TRAIP: variants seen among roughly 807,000 people sequenced by gnomAD.
The protein encoded by TRAIP is E3 ubiquitin-protein ligase TRAIP.
TRAIP carries 37 observed loss-of-function variants against 65.0 expected under a neutral mutation model. The ratio of observed to expected loss-of-function variants is 0.57; its 90% confidence interval spans 0.44 to 0.75. TRAIP has a LOEUF of 0.75. Ranked by LOEUF, TRAIP falls within the 30% of genes least tolerant of loss-of-function variation. The pLI, the probability that TRAIP is intolerant of heterozygous loss-of-function variation, is 0.00. For synonymous variants in TRAIP, 187 were observed against 219.1 expected (o/e 0.85, Z 1.29); for missense variants, 481 against 579.4 (o/e 0.83, Z 1.74).
chr3:49,843,829 T>A lies in TRAIP; in HGVS notation c.380A>T (p.Lys127Met). The change falls in exon 5 of 15, where the codon AAG becomes ATG. Residue 127 changes from lysine to methionine, a missense_variant. By Grantham distance (95) the Lys-to-Met change is moderately conservative. Coordinates refer to ENST00000331456, the MANE Select transcript of TRAIP (RefSeq NM_005879.3). ...TVVSLQQALGKAEMLCSTLKK... is the reference protein window; with the variant it reads ...TVVSLQQALGMAEMLCSTLKK... The stretch of plus-strand genomic sequence containing the variant: ...CAGTGTGGAGCACAGCATCTCGGCC[T>A]TGCCCAAGGCCTGCTGCAGAGATAC... 6.2e-7 allele frequency: 1 copy of A among 1,613,804 alleles called. No individual in the cohort carries two copies. The highest frequency in any genetic ancestry group is 8.5e-7 in the Non-Finnish European group (1 of 1,179,654).
At chr3:49,831,085 C>T (rs891576795) in intron 11 of TRAIP, among the ~76,000 whole-genome samples, 2 of 152,158 alleles carry the variant, frequency 1.3e-5, no homozygotes, top group African/African-American at 4.8e-5. Flanking sequence ...GACTACAGCC[C>T]ACGGGTCCTA....
Position 49,835,674 on chromosome 3 carries a change from G to A in TRAIP, c.885-3606C>T, listed in dbSNP as rs942891253. Among the ~76,000 whole-genome samples, 6 of 151,954 alleles carry A rather than the reference G, an allele frequency of 3.9e-5. No individual in the cohort carries two copies. The East Asian group carries it at 5.8e-4, about 15-fold the overall frequency. The stretch of plus-strand genomic sequence containing the variant: ...AAACTTCTTGGCCGGGCACGGTGGC[G>A]CACACCTGTAATCCCAGCACTTTGG... On this transcript the variant is annotated intron_variant, in intron 10 of 14. Transcript: ENST00000331456.
intron 1 of TRAIP, 80 bp downstream of exon 1, chr3:49,856,276 G>C (rs1231729765): frequency 3.1e-6 from 4 of 1,275,516 alleles, no homozygotes; most frequent in Non-Finnish European, 4.5e-6. Context: ...TCCGGGGTTG[G>C]ACCGCCTGGA....
chr3:49,832,032 C>T lies in TRAIP; in HGVS notation c.921G>A (p.Arg307=). Residue 307 remains arginine, a synonymous_variant, in exon 11 of 15, where the codon CGG becomes CGA. Coordinates refer to ENST00000331456, the MANE Select transcript of TRAIP (RefSeq NM_005879.3). Reference sequence around the variant, plus strand: ...GATCAATATCATCACGGAAGGATGGCCGGCGGAGCTTCAGATTCACCTCCA... The same window carrying T: ...GATCAATATCATCACGGAAGGATGGTCGGCGGAGCTTCAGATTCACCTCCA... ...APVEVNLKLR[R]PSFRDDIDLN... 3 of 1,602,370 alleles carry T rather than the reference C, an allele frequency of 1.9e-6. No homozygotes were observed. The highest frequency in any genetic ancestry group is 1.3e-5 in the African/African-American group (1 of 74,428).
rs532566164 is a variant in TRAIP at position 49,828,856 on chromosome 3, G to T, written c.*247C>A. ...GATCATGGCTATAAACAGGAGCCTG[G>T]CAACAGGAGCAGGACCTGCTGACAG... On this transcript the variant is annotated 3_prime_UTR_variant, in exon 15 of 15. Coordinates refer to ENST00000331456, the MANE Select transcript of TRAIP (RefSeq NM_005879.3). 1 of 501,180 alleles carries T rather than the reference G, an allele frequency of 2.0e-6. No individual in the cohort carries two copies. The highest frequency in any genetic ancestry group is 2.1e-5 in the South Asian group (1 of 48,450). 31.0% of individuals were successfully genotyped at this position (501,180 alleles called of 1,614,324 possible).
chr3:49,829,483 C>T lies in TRAIP; in HGVS notation c.1262G>A (p.Gly421Asp). 1.9e-6 allele frequency: 3 copies of T among 1,614,124 alleles called. No individual in the cohort carries two copies. The highest frequency in any genetic ancestry group is 2.5e-6 in the Non-Finnish European group (3 of 1,180,016). Residue 421 changes from glycine to aspartate, a missense_variant, in exon 14 of 15, where the codon GGT becomes GAT. Transcript: ENST00000331456. Reference protein sequence around the residue: ...DVVRTGFDGLGGRTKFIQPTD... With the variant: ...DVVRTGFDGLDGRTKFIQPTD... ...AGGCTGGATGAATTTTGTCCGGCCA[C>T]CGAGCCCATCGAAGCCTGTCCTTAC...
chr3:49,841,335 C>A (rs1323218485), intron 7 of TRAIP, among the ~76,000 whole-genome samples: 2 of 152,192 alleles, frequency 1.3e-5, no homozygotes. Flanking sequence ...CTAGGGGGCT[C>A]CCTAAACCAC....
intron 6 of TRAIP, 116 bp downstream of exon 6, chr3:49,842,337 T>G: frequency 3.5e-5 from 35 of 1,002,762 alleles, no homozygotes; most frequent in Non-Finnish European, 4.2e-5. Context: ...CCATGGCCTA[T>G]GGAGATTTGA....
intron 3 of TRAIP, among the ~76,000 whole-genome samples, chr3:49,845,035 T>C (rs1299796283): frequency 6.6e-6 from 1 of 152,258 alleles, no homozygotes; most frequent in Non-Finnish European, 1.5e-5. Context: ...TCCTGATTCA[T>C]AGTCGACTTT....
At chr3:49,841,777 G>A (rs374816576) in intron 7 of TRAIP, 49 bp downstream of exon 7, 3 of 1,511,670 alleles carry the variant, frequency 2.0e-6, no homozygotes, top group African/African-American at 2.7e-5. Context: ...CACGGCTGGG[G>A]CCCCATGGCC....
chr3:49,855,038 T>C (rs2081960051), intron 1 of TRAIP, among the ~76,000 whole-genome samples: 1 of 152,132 alleles, frequency 6.6e-6, no homozygotes, highest in African/African-American at 2.4e-5. Context: ...CACTGCAGCC[T>C]GTGTAACAGA....
chr3:49,830,227 G>A (rs1031831556), intron 11 of TRAIP, among the ~76,000 whole-genome samples, 159 bp from the exon 12 acceptor site: 2 of 152,230 alleles, frequency 1.3e-5, no homozygotes, highest in Non-Finnish European at 2.9e-5. Flanking sequence ...CCAAGTGCAG[G>A]TCTGTTAACA....
At chr3:49,839,611 G>A (rs2081819584) in intron 10 of TRAIP, 161 bp downstream of exon 10, 2 of 672,670 alleles carry the variant, frequency 3.0e-6, no homozygotes, top group Non-Finnish European at 5.2e-6. Context: ...TTTGCTTCAA[G>A]GCTGCTTGCC....
chr3:49,835,275 G>A (rs2081772318), intron 10 of TRAIP, among the ~76,000 whole-genome samples: 1 of 152,092 alleles, frequency 6.6e-6, no homozygotes, highest in African/African-American at 2.4e-5. Flanking sequence ...CATGCTACAT[G>A]GATAAACCTT....
At chr3:49,840,964 C>T (rs1329160967) in intron 8 of TRAIP, 21 bp downstream of exon 8, 1 of 1,611,744 alleles carries the variant, frequency 6.2e-7, no homozygotes, top group Non-Finnish European at 8.5e-7. Context: ...CTCCTTCAAC[C>T]TCTGTTCACT....
At chr3:49,853,392 G>T (rs578069773) in intron 1 of TRAIP, among the ~76,000 whole-genome samples, 1 of 152,100 alleles carries the variant, frequency 6.6e-6, no homozygotes, top group South Asian at 2.1e-4. Flanking sequence ...ATTGCTTTAG[G>T]CCAGGAGTTT....
At position 49,856,493 on chromosome 3, in the gene TRAIP, G is replaced by C; in HGVS notation, c.-40C>G. ...AGGGGCCCAGGCAGCCAAAGAAACT[G>C]CTACAGGTCCGGCTTCGTAGACGCG... On this transcript the variant is annotated 5_prime_UTR_variant, in exon 1 of 15. Transcript: ENST00000331456. The C allele has an allele frequency of 6.3e-7, 1 of 1,578,690 alleles. No homozygotes were observed.
intron 10 of TRAIP, among the ~76,000 whole-genome samples, 163 bp from the exon 11 acceptor site, chr3:49,832,231 G>A (rs967010329): frequency 2.6e-5 from 4 of 152,122 alleles, no homozygotes; most frequent in East Asian, 1.9e-4. Context: ...AGTGGCTCAC[G>A]CCTGTAATCC....
intron 1 of TRAIP, among the ~76,000 whole-genome samples, chr3:49,850,019 C>T (rs1391551090): frequency 6.6e-6 from 1 of 151,276 alleles, no homozygotes; most frequent in Non-Finnish European, 1.5e-5. Context: ...GCTAAAATTC[C>T]CATAAGTTTT....
Sources: gnomAD v4.1 joint callset for allele counts (sites outside exome capture counted in the v4.1 genomes callset) on GRCh38, gnomAD v4.1.1 for gene constraint, MANE v1.5 for transcripts, NCBI Gene and HGNC (gene_info 2026-07-23, HGNC 2026-07-21) for gene names.